GRAMD2B: variants seen among roughly 807,000 people sequenced by gnomAD.
GRAMD2B encodes GRAM domain-containing protein 2B.
A neutral mutation model predicts 59.2 loss-of-function variants in GRAMD2B; 41 were observed. The observed-to-expected ratio is 0.69, with a 90% CI of 0.54 to 0.90. The LOEUF (loss-of-function observed/expected upper bound fraction) is 0.90. Among genes scored for constraint, GRAMD2B ranks in the 40% least tolerant of loss-of-function variants. The pLI, the probability that GRAMD2B is intolerant of heterozygous loss-of-function variation, is 0.00. For missense variants in GRAMD2B, 424 were observed against 500.5 expected (o/e 0.85, Z 1.46); for synonymous variants, 161 against 182.7 (o/e 0.88, Z 0.96).
Position 126,480,661 on chromosome 5 carries a change from C to A in GRAMD2B, c.689C>A (p.Ser230Tyr), listed in dbSNP as rs748166248. The stretch of plus-strand genomic sequence containing the variant: ...GTTGGTAACAGTCCCAATCCATCTT[C>A]TGCTGAAAACAGTTTCCGAGCAGAC... The part of the protein sequence containing the change: ...TSVGNSPNPS[S>Y]AENSFRADRP... Residue 230 changes from serine to tyrosine, a missense_variant, in exon 8 of 14, where the codon TCT (serine) becomes TAT (tyrosine). By Grantham distance (144) the Ser-to-Tyr change is moderately radical. Transcript: ENST00000285689. The A allele has an allele frequency of 1.2e-6, 2 of 1,614,156 alleles. No homozygotes were observed. Among genetic ancestry groups the A allele is most frequent in the Middle Eastern group, 1.6e-4 (1 of 6,062 alleles).
At chr5:126,456,742 A>AAT (rs1170246379) in intron 1 of GRAMD2B, among the ~76,000 whole-genome samples, 1 of 152,172 alleles carries the variant, frequency 6.6e-6, no homozygotes, top group Non-Finnish European at 1.5e-5. Context: ...TCTTTTAAGT[A>AAT]ATACAGCAAC....
chr5:126,472,910 A>G (rs1769899073), intron 4 of GRAMD2B, among the ~76,000 whole-genome samples: 1 of 152,144 alleles, frequency 6.6e-6, no homozygotes, highest in Non-Finnish European at 1.5e-5. Flanking sequence ...TATTTTGAAA[A>G]CAGTCATTCC....
intron 1 of GRAMD2B, among the ~76,000 whole-genome samples, chr5:126,453,888 C>T (rs1765803578): frequency 6.6e-6 from 1 of 152,080 alleles, no homozygotes; most frequent in African/African-American, 2.4e-5. Flanking sequence ...AAGCCCAAGC[C>T]CTTTTTAAAA....
rs953759328 is a variant in GRAMD2B at position 126,484,671 on chromosome 5, C to T, written c.970+147C>T. On this transcript the variant is annotated intron_variant, in intron 10 of 13. Coordinates refer to ENST00000285689, the MANE Select transcript of GRAMD2B (RefSeq NM_023927.4). Reference sequence around the variant, plus strand: ...TGATCTTGGCTCACTGCAACCTCTGCCTCTTGGATTCAAGCGATTCTCGTA... The same window carrying T: ...TGATCTTGGCTCACTGCAACCTCTGTCTCTTGGATTCAAGCGATTCTCGTA... 4 of 734,320 alleles carry T rather than the reference C, an allele frequency of 5.4e-6. No homozygotes were observed. The African/African-American group carries it at 5.5e-5, about 10-fold the overall frequency. The allele number at this position is 734,320 out of a possible 1,614,324, so 45.5% of individuals were successfully genotyped here. A position where few individuals can be genotyped will look rare whatever the true frequency, so the allele number is the denominator to read the frequency against.
chr5:126,455,813 G>A (rs1766180801), intron 1 of GRAMD2B, among the ~76,000 whole-genome samples: 1 of 152,072 alleles, frequency 6.6e-6, no homozygotes, highest in African/African-American at 2.4e-5. Flanking sequence ...CATACACAAG[G>A]GTGTCATGCT....
chr5:126,460,007 T>C (rs1338875655), intron 1 of GRAMD2B, among the ~76,000 whole-genome samples: 1 of 152,226 alleles, frequency 6.6e-6, no homozygotes, highest in Non-Finnish European at 1.5e-5. Context: ...GACTGAAATA[T>C]ACCTACATGC....
At chr5:126,456,878 G>C (rs1170339740) in intron 1 of GRAMD2B, among the ~76,000 whole-genome samples, 2 of 152,096 alleles carry the variant, frequency 1.3e-5, no homozygotes, top group Non-Finnish European at 2.9e-5. Flanking sequence ...AGTTTAGAAT[G>C]CCTATCCATT....
intron 5 of GRAMD2B, among the ~76,000 whole-genome samples, chr5:126,476,481 A>G (rs1281181947): frequency 1.3e-5 from 2 of 152,188 alleles, no homozygotes; most frequent in Admixed American, 6.5e-5. Context: ...TTTGAGATCA[A>G]ACTTGGTTGG....
chr5:126,455,248 C>G (rs1766067907), intron 1 of GRAMD2B, among the ~76,000 whole-genome samples: 1 of 152,196 alleles, frequency 6.6e-6, no homozygotes, highest in South Asian at 2.1e-4. Flanking sequence ...GCCCATAGCT[C>G]ATCAGGTCCA....
At chr5:126,397,808 T>C (rs1019858390) in intron 1 of GRAMD2B, among the ~76,000 whole-genome samples, 1 of 152,174 alleles carries the variant, frequency 6.6e-6, no homozygotes, top group African/African-American at 2.4e-5. Flanking sequence ...TGTTCATCAG[T>C]AATGTTGGCC....
chr5:126,400,740 G>GT (rs1757757592), intron 1 of GRAMD2B, among the ~76,000 whole-genome samples: 1 of 152,020 alleles, frequency 6.6e-6, no homozygotes, highest in Admixed American at 6.6e-5. Flanking sequence ...TTGGTTGGCA[G>GT]TTTTTTCTTT....
upstream of GRAMD2B, among the ~76,000 whole-genome samples, chr5:126,368,838 T>C (rs1271742351): frequency 1.3e-5 from 2 of 152,218 alleles, no homozygotes; most frequent in African/African-American, 4.8e-5. Context: ...TCCCATAGGC[T>C]AGTAAATTGC....
chr5:126,462,419 T>G, intron 1 of GRAMD2B: 2 of 985,348 alleles, frequency 2.0e-6, no homozygotes, highest in Non-Finnish European at 2.4e-6. Flanking sequence ...ATAGTTTCAG[T>G]CTGCTGCTGA....
At chr5:126,463,659 G>A (rs1248240215) in intron 1 of GRAMD2B, among the ~76,000 whole-genome samples, 1 of 152,180 alleles carries the variant, frequency 6.6e-6, no homozygotes, top group Non-Finnish European at 1.5e-5. Flanking sequence ...GAAATAGAAG[G>A]TTGGACCTCT....
At chr5:126,398,213 G>T (rs746727967) in intron 1 of GRAMD2B, among the ~76,000 whole-genome samples, 1 of 151,416 alleles carries the variant, frequency 6.6e-6, no homozygotes, top group African/African-American at 2.4e-5. Context: ...GTAGAGAAAG[G>T]TCTCTCTATG....
chr5:126,464,904 G>T (rs139632464), intron 1 of GRAMD2B, among the ~76,000 whole-genome samples: 1 of 152,302 alleles, frequency 6.6e-6, no homozygotes, highest in Admixed American at 6.5e-5. Context: ...TCTGTAAAAT[G>T]AGGGTAGTAA....
At chr5:126,404,567 A>G (rs1382531252) in intron 1 of GRAMD2B, among the ~76,000 whole-genome samples, 1 of 151,960 alleles carries the variant, frequency 6.6e-6, no homozygotes, top group East Asian at 1.9e-4. Flanking sequence ...CAGCCTGGAA[A>G]TCAACAATCA....
At chr5:126,425,113 A>G (rs1318435876) in intron 1 of GRAMD2B, among the ~76,000 whole-genome samples, 1 of 152,230 alleles carries the variant, frequency 6.6e-6, no homozygotes, top group Non-Finnish European at 1.5e-5. Context: ...CAGCATGCAC[A>G]TCTTTTATAG....
At chr5:126,370,052 G>A (rs1391468528), upstream of GRAMD2B, among the ~76,000 whole-genome samples, 2 of 152,176 alleles carry the variant, frequency 1.3e-5, no homozygotes, top group East Asian at 3.9e-4. Context: ...GAGGAAAGCT[G>A]GGGGCGGTGC....
Sources: allele counts gnomAD v4.1 joint callset (sites outside exome capture counted in the v4.1 genomes callset), GRCh38; gene constraint gnomAD v4.1.1; transcripts MANE v1.5; gene names NCBI Gene and HGNC (gene_info 2026-07-23, HGNC 2026-07-21).